Variants in ALG13 observed in about 807,000 individuals in gnomAD.
The protein encoded by ALG13 is ALG13 UDP-N-acetylglucosaminyltransferase subunit, also known as UDP-N-acetylglucosamine transferase subunit ALG13.
A neutral mutation model predicts 87.8 loss-of-function variants in ALG13; 11 were observed. The observed-to-expected ratio is 0.13, with a 90% CI of 0.08 to 0.21. The LOEUF (loss-of-function observed/expected upper bound fraction) is 0.21, where lower values mean the gene tolerates loss of function less well. Ranked by LOEUF, ALG13 falls within the 10% of genes least tolerant of loss-of-function variation. The probability of loss-of-function intolerance (pLI) is 1.00; values close to 1 mark genes in which losing one functional copy is unlikely to be tolerated. For missense variants in ALG13, 756 were observed against 866.1 expected, an observed-to-expected ratio of 0.87 and a Z score of 1.60; for synonymous variants, 320 against 306.3, an observed-to-expected ratio of 1.04 and a Z score of -0.47.
chrX:111,684,818 T>C (rs923826160), intron 2 of ALG13, 147 bp from the exon 3 acceptor site: 3 of 531,418 alleles, frequency 5.6e-6, no homozygotes, highest in Non-Finnish European at 9.5e-6. Flanking sequence ...ATAACTATAC[T>C]CTTGTCATTT....
intron 21 of ALG13, among the ~76,000 whole-genome samples, chrX:111,731,114 A>G (rs957278371): frequency 3.6e-5 from 4 of 112,095 alleles, no homozygotes; most frequent in Non-Finnish European, 7.5e-5. Context: ...GCTAAGAACT[A>G]TATCATTCAA....
chrX:111,712,580 GT>G (rs1939959881), intron 7 of ALG13, 50 bp downstream of exon 7: 2 of 764,580 alleles, frequency 2.6e-6, no homozygotes, highest in Non-Finnish European at 3.7e-6. Flanking sequence ...ATGCATGTGT[GT>G]ATAAGATCTC....
At chrX:111,725,087 TG>T (rs1569518784) in intron 15 of ALG13, 26 bp downstream of exon 15, 2 of 1,204,286 alleles carry the variant, frequency 1.7e-6, no homozygotes, top group African/African-American at 3.5e-5. Flanking sequence ...GTTGTTATTT[TG>T]TTTTTCCCTT....
At chrX:111,724,475 T>C (rs1414664588) in intron 14 of ALG13, among the ~76,000 whole-genome samples, 2 of 112,405 alleles carry the variant, frequency 1.8e-5, no homozygotes, top group African/African-American at 6.5e-5. Flanking sequence ...TCCTTCCTCC[T>C]TCATTTAGCA....
At chrX:111,700,474 A>G (rs1027085967) in intron 3 of ALG13, among the ~76,000 whole-genome samples, 18 of 109,843 alleles carry the variant, frequency 1.6e-4, no homozygotes, top group African/African-American at 5.0e-4. Flanking sequence ...TCGATTTTTC[A>G]CTCTTGAAAA....
chrX:111,721,724 C>G lies in ALG13; in HGVS notation c.1435+13C>G. 7 of 1,083,953 alleles carry G rather than the reference C, an allele frequency of 6.5e-6. No individual in the cohort carries two copies. Among genetic ancestry groups the G allele is most frequent in the Non-Finnish European group, 8.9e-6 (7 of 788,130 alleles). 89.3% of individuals were successfully genotyped at this position (1,083,953 alleles called of 1,213,427 possible). A position where few individuals can be genotyped will look rare whatever the true frequency, so the allele number is the denominator to read the frequency against. ...GACAGCAGAAAAGGTAAAGAAATAT[C>G]AACAGGATACTTTTGAATCCTGACA... On this transcript the variant is annotated intron_variant, in intron 12 of 26. Coordinates refer to ENST00000394780, the MANE Select transcript of ALG13 (RefSeq NM_001099922.3).
chrX:111,682,542 C>CT (rs889075728), intron 2 of ALG13, among the ~76,000 whole-genome samples: 7 of 111,877 alleles, frequency 6.3e-5, no homozygotes, highest in Non-Finnish European at 1.3e-4. Flanking sequence ...CACTGTAGCC[C>CT]TTTTTGAATA....
Position 111,733,117 on chromosome X carries a change from A to T in ALG13, c.2458-1934A>T, listed in dbSNP as rs746833709. Among the ~76,000 whole-genome samples, 5 of 109,547 alleles carry T rather than the reference A, an allele frequency of 4.6e-5. No individual in the cohort carries two copies. The East Asian group carries it at 1.4e-3, about 31-fold the overall frequency. On this transcript the variant is annotated intron_variant, in intron 21 of 26. Coordinates refer to ENST00000394780, the MANE Select transcript of ALG13 (RefSeq NM_001099922.3). ...GTCTTCAGAATTATCAGCATACATT[A>T]AAAAAAAACTCTTTGTCTTTAATTT...
At chrX:111,751,401 T>A (rs1944736475) in intron 24 of ALG13, among the ~76,000 whole-genome samples, 1 of 112,023 alleles carries the variant, frequency 8.9e-6, no homozygotes, top group Non-Finnish European at 1.9e-5. Flanking sequence ...GCATATTTAC[T>A]GGGAAACCAA....
At chrX:111,747,087 A>G (rs998159447) in intron 24 of ALG13, among the ~76,000 whole-genome samples, 2 of 111,827 alleles carry the variant, frequency 1.8e-5, no homozygotes, top group Non-Finnish European at 3.8e-5. Context: ...TCCAGAGGCC[A>G]TAGTTTATAT....
intron 8 of ALG13, chrX:111,714,308 T>C (rs1056308755): frequency 3.6e-5 from 4 of 110,534 alleles, no homozygotes; most frequent in Non-Finnish European, 7.6e-5. Flanking sequence ...GTAAGTTTTA[T>C]AATAAAAAAA....
In ALG13 at chrX:111,682,261, A is replaced by G. The variant is rs755960706; in HGVS notation, c.211A>G (p.Ile71Val). 2 of 1,195,575 alleles carry G rather than the reference A, an allele frequency of 1.7e-6. No individual in the cohort carries two copies. Among genetic ancestry groups the G allele is most frequent in the Non-Finnish European group, 1.1e-6 (1 of 887,393 alleles). Residue 71 changes from isoleucine to valine, a missense_variant, in exon 2 of 27, where the codon ATT becomes GTT. This residue lies in a region of ALG13 where 153 missense variants were observed against 168.7 expected (regional missense o/e 0.91). Transcript: ENST00000394780. ...GTACAAGGATTCCTTGAAAGAAGAC[A>G]TTCAGAAAGCAGATCTTGTTATTAG... ...YRYKDSLKEDIQKADLVISHA... is the reference protein window; with the variant it reads ...YRYKDSLKEDVQKADLVISHA...
intron 19 of ALG13, among the ~76,000 whole-genome samples, chrX:111,729,550 T>C (rs1314082412): frequency 8.9e-6 from 1 of 111,899 alleles, no homozygotes; most frequent in Non-Finnish European, 1.9e-5. Flanking sequence ...TTTAGCTCTA[T>C]GGGTAGTGTG....
At chrX:111,707,914 C>T in intron 3 of ALG13, 113 bp from the exon 4 acceptor site, 3 of 854,872 alleles carry the variant, frequency 3.5e-6, no homozygotes, top group Non-Finnish European at 4.8e-6. Flanking sequence ...TGGGTTAATT[C>T]CACTCTTTCC....
intron 3 of ALG13, among the ~76,000 whole-genome samples, chrX:111,704,438 T>C (rs1344583501): frequency 8.9e-6 from 1 of 111,750 alleles, no homozygotes; most frequent in Non-Finnish European, 1.9e-5. Flanking sequence ...AGCCCAAAAG[T>C]GGAAACAACC....
intron 21 of ALG13, chrX:111,734,379 A>G (rs986991489): frequency 2.0e-4 from 22 of 112,472 alleles, no homozygotes; most frequent in African/African-American, 7.1e-4. Context: ...GGCTTTGGCT[A>G]TACTTGAACA....
intron 3 of ALG13, among the ~76,000 whole-genome samples, chrX:111,706,923 CAAA>C (rs776803537): frequency 2.8e-5 from 1 of 35,709 alleles, no homozygotes. Flanking sequence ...TCCACAGATA[CAAA>C]AAAAAAAAAA....
At chrX:111,754,713 A>C (rs1373405607) in intron 25 of ALG13, among the ~76,000 whole-genome samples, 2 of 111,692 alleles carry the variant, frequency 1.8e-5, no homozygotes, top group African/African-American at 6.5e-5. Context: ...AATCCAACTT[A>C]CAAGGGATGT....
At chrX:111,689,934 A>G (rs1935841755) in intron 3 of ALG13, 5 of 752,031 alleles carry the variant, frequency 6.6e-6, no homozygotes, top group Non-Finnish European at 7.8e-6. Context: ...GCGTATGACA[A>G]CCTTACCTAG....
Sources: allele counts gnomAD v4.1 joint callset (sites outside exome capture counted in the v4.1 genomes callset), GRCh38; gene constraint gnomAD v4.1.1; regional missense constraint gnomAD v4.1.1; transcripts MANE v1.5; gene names NCBI Gene and HGNC (gene_info 2026-07-23, HGNC 2026-07-21).